IQSEC3: variants seen among roughly 807,000 people sequenced by gnomAD.
IQSEC3 encodes IQ motif and Sec7 domain ArfGEF 3.
Under a neutral mutation model 105.4 loss-of-function variants are expected in IQSEC3, and 50 were observed. The ratio of observed to expected loss-of-function variants is 0.47; its 90% CI spans 0.38 to 0.60. The LOEUF is 0.60. IQSEC3 is among the 20% of genes least tolerant of loss of function. IQSEC3 has a pLI of 0.00. For synonymous variants in IQSEC3, 708 were observed against 746.0 expected (o/e 0.95, Z 0.83); for missense variants, 1,415 against 1,630.0 (o/e 0.87, Z 2.27).
At chr12:128,775 T>C (rs1331416836) in intron 3 of IQSEC3, among the ~76,000 whole-genome samples, 2 of 152,138 alleles carry the variant, frequency 1.3e-5, no homozygotes, top group African/African-American at 4.8e-5. Flanking sequence ...TCCCCTTCTT[T>C]GAGCTCTGTC....
intron 2 of IQSEC3, among the ~76,000 whole-genome samples, chr12:123,176 G>A (rs868964723): frequency 2.6e-5 from 4 of 152,310 alleles, no homozygotes; most frequent in African/African-American, 7.2e-5. Context: ...AGGCTGAGAA[G>A]GGACAATCAT....
chr12:87,734 A>T (rs1387217117), intron 1 of IQSEC3, among the ~76,000 whole-genome samples: 4 of 152,172 alleles, frequency 2.6e-5, no homozygotes, highest in African/African-American at 9.7e-5. Context: ...ACTGAAGACC[A>T]GTGGGGGAGG....
chr12:108,882 C>G (rs144521951), intron 2 of IQSEC3, among the ~76,000 whole-genome samples: 9 of 152,338 alleles, frequency 5.9e-5, no homozygotes, highest in East Asian at 1.9e-4. Flanking sequence ...CCTGGCAGGC[C>G]GAGAGCTGCA....
rs782082149 is a variant in IQSEC3 at position 138,820 on chromosome 12, G to A, written c.1457G>A (p.Arg486Gln). 1.2e-5 allele frequency: 20 copies of A among 1,610,532 alleles called. No homozygotes were observed. The South Asian group carries it at 2.1e-4, about 17-fold the overall frequency. ...AHSGTLMMAFRDVTVQIANQN... is the reference protein window; with the variant it reads ...AHSGTLMMAFQDVTVQIANQN... ...AGCGGGACCCTCATGATGGCTTTCC[G>A]GGACGTCACGGTGCAGATCGCCAAC... The change falls in exon 4 of 14, where the codon CGG (arginine) becomes CAG (glutamine). Residue 486 changes from arginine (R) to glutamine (Q), a missense_variant. Transcript: ENST00000538872. The surrounding 1 kb of genome is among the most constrained non-coding windows in gnomAD (Gnocchi z 7.1).
intron 3 of IQSEC3, among the ~76,000 whole-genome samples, chr12:126,738 G>A (rs1865428784): frequency 6.6e-6 from 1 of 152,126 alleles, no homozygotes; most frequent in African/African-American, 2.4e-5. Flanking sequence ...GCAAAAAAAT[G>A]AGAATTAACT....
intron 2 of IQSEC3, among the ~76,000 whole-genome samples, chr12:120,442 C>T: frequency 6.6e-6 from 1 of 152,102 alleles, no homozygotes; most frequent in African/African-American, 2.4e-5. Flanking sequence ...CTTTATCCCA[C>T]CAGTATTGTG....
In IQSEC3 at chr12:99,195, T is replaced by A. The variant is rs782053504; in HGVS notation, c.604T>A (p.Ser202Thr). 4 of 1,598,862 alleles carry A rather than the reference T, an allele frequency of 2.5e-6. No homozygotes were observed. The highest frequency in any genetic ancestry group is 2.2e-5 in the East Asian group (1 of 44,866). ...QFCCPAADAC[S>T]DLASQSDGSC... ...CTGCTGCCCAGCCGCCGACGCCTGC[T>A]CCGACCTGGCCTCCCAAAGGTGGGA... The change falls in exon 2 of 14, where the codon TCC becomes ACC. Residue 202 changes from serine (S) to threonine (T), a missense_variant. Coordinates refer to ENST00000538872, the MANE Select transcript of IQSEC3 (RefSeq NM_001170738.2).
At chr12:129,708 G>C (rs1365870064) in intron 3 of IQSEC3, among the ~76,000 whole-genome samples, 1 of 152,150 alleles carries the variant, frequency 6.6e-6, no homozygotes, top group Non-Finnish European at 1.5e-5. Flanking sequence ...CTGAATTGCA[G>C]AGCCCTCTGG....
chr12:126,200 G>A (rs750429303), intron 3 of IQSEC3, among the ~76,000 whole-genome samples: 54 of 152,324 alleles, frequency 3.5e-4, no homozygotes, highest in Non-Finnish European at 5.6e-4. Flanking sequence ...CCGCCCCACT[G>A]ACCACTAGGC....
intron 3 of IQSEC3, 68 bp downstream of exon 3, chr12:125,980 TAC>T: frequency 7.0e-7 from 1 of 1,429,190 alleles, no homozygotes; most frequent in Non-Finnish European, 9.4e-7. Flanking sequence ...CTGTCGAGGG[TAC>T]CAGGGATATC....
chr12:108,338 G>A (rs1450006100), intron 2 of IQSEC3, among the ~76,000 whole-genome samples: 1 of 152,214 alleles, frequency 6.6e-6, no homozygotes, highest in Non-Finnish European at 1.5e-5. Flanking sequence ...GTGCCTTCTT[G>A]GCCTTATATG....
At chr12:127,049 G>A (rs559934683) in intron 3 of IQSEC3, among the ~76,000 whole-genome samples, 46 of 152,210 alleles carry the variant, frequency 3.0e-4, no homozygotes, top group Non-Finnish European at 5.3e-4. Context: ...TTCTCAAACC[G>A]AATTATCCAA....
At chr12:91,502 C>T (rs7135055) in intron 1 of IQSEC3, among the ~76,000 whole-genome samples, 68,390 of 151,966 alleles carry the variant, frequency 0.45, 16,311 homozygotes, top group Non-Finnish European at 0.54. Flanking sequence ...AGGCCCAGCG[C>T]GGTTGTTCAT....
intron 1 of IQSEC3, among the ~76,000 whole-genome samples, chr12:82,890 C>T (rs1309407370): frequency 6.6e-6 from 1 of 152,152 alleles, no homozygotes; most frequent in Non-Finnish European, 1.5e-5. Flanking sequence ...GAAGTTTTTT[C>T]CAAATCCACG....
chr12:86,552 A>G (rs1325220507), intron 1 of IQSEC3, among the ~76,000 whole-genome samples: 3 of 152,182 alleles, frequency 2.0e-5, no homozygotes, highest in Non-Finnish European at 1.5e-5. Flanking sequence ...GATGCTGTCC[A>G]TATCCTATTT....
Position 138,611 on chromosome 12 carries a change from G to C in IQSEC3, c.1248G>C (p.Ala416=), listed in dbSNP as rs148393504. The C allele has an allele frequency of 6.3e-7, 1 of 1,588,540 alleles. No individual in the cohort carries two copies. The highest frequency in any genetic ancestry group is 1.7e-5 in the Admixed American group (1 of 59,008). ...CCCTGGCCAAGTCCATCGACGACGC[G>C]CTCAGCACGTGGAGCCTCAAGACCA... The part of the protein sequence containing the change: ...VQSLAKSIDD[A]LSTWSLKTMC... Residue 416 remains alanine (A), a synonymous_variant, in exon 4 of 14, where the codon GCG becomes GCC. Transcript: ENST00000538872. This position sits in a 1 kb window ranked among gnomAD's most constrained non-coding sequence, Gnocchi z 7.1.
intron 13 of IQSEC3, among the ~76,000 whole-genome samples, chr12:172,002 G>T (rs1274789596): frequency 4.6e-5 from 7 of 152,010 alleles, no homozygotes; most frequent in African/African-American, 1.5e-4. Flanking sequence ...CTCTCCCACT[G>T]GGTCCTCTTG....
In IQSEC3 at chr12:178,015, G is replaced by C. The variant is rs1037836127; in HGVS notation, c.*2982G>C. Reference sequence around the variant, plus strand: ...TCCATTCGGCCCCAACTCCAGAGTCGGGAATGGGAGATGAAACTAGTTTTC... The same window carrying C: ...TCCATTCGGCCCCAACTCCAGAGTCCGGAATGGGAGATGAAACTAGTTTTC... On this transcript the variant is annotated 3_prime_UTR_variant, in exon 14 of 14. Coordinates refer to ENST00000538872, the MANE Select transcript of IQSEC3 (RefSeq NM_001170738.2). The C allele has an allele frequency of 6.6e-6, 1 of 152,228 alleles. No homozygotes were observed. The highest frequency in any genetic ancestry group is 2.4e-5 in the African/African-American group (1 of 41,406). 9.4% of individuals were successfully genotyped at this position (152,228 alleles called of 1,614,324 possible).
chr12:79,739 A>C (rs1863680720), intron 1 of IQSEC3, among the ~76,000 whole-genome samples: 1 of 152,222 alleles, frequency 6.6e-6, no homozygotes, highest in Admixed American at 6.5e-5. Context: ...TTGACCTAGT[A>C]CAAGATTCAA....
Sources: gnomAD v4.1 joint callset for allele counts (sites outside exome capture counted in the v4.1 genomes callset) on GRCh38, gnomAD v4.1.1 for gene constraint, Gnocchi (gnomAD v3.1) non-coding constraint, MANE v1.5 for transcripts, NCBI Gene and HGNC (gene_info 2026-07-23, HGNC 2026-07-21) for gene names.